Variants in MKLN1 observed in about 807,000 individuals in gnomAD.
The protein encoded by MKLN1 is muskelin.
Under a neutral mutation model 99.0 loss-of-function variants are expected in MKLN1, and 18 were observed. The ratio of observed to expected loss-of-function variants is 0.18; its 90% CI spans 0.13 to 0.27. The LOEUF (loss-of-function observed/expected upper bound fraction) is 0.27, where lower values mean the gene tolerates loss of function less well. Ranked by LOEUF, MKLN1 falls within the 10% of genes least tolerant of loss-of-function variation. The pLI is 1.00. For synonymous variants in MKLN1, 288 were observed against 293.2 expected (o/e 0.98, Z 0.18); for missense variants, 621 against 875.9 (o/e 0.71, Z 3.67).
At chr7:131,252,329 C>CTTTTTTTTTTT (rs60581249) in intron 3 of MKLN1, among the ~76,000 whole-genome samples, 62 of 118,522 alleles carry the variant, frequency 5.2e-4, no homozygotes, top group Non-Finnish European at 6.5e-4. Context: ...TTTTTCTTTT[C>CTTTTTTTTTTT]TTTTTTTTTT....
At position 131,446,028 on chromosome 7, in the gene MKLN1, A is replaced by G; in HGVS notation, c.1525+125A>G. ...TTATTTCTTTAATTGAGTAATTCCAAGTAAGAGAAAGAAAATTCTACCAGC... is the reference window on the plus strand; with the variant it reads ...TTATTTCTTTAATTGAGTAATTCCAGGTAAGAGAAAGAAAATTCTACCAGC... On this transcript the variant is annotated intron_variant, in intron 12 of 17. Coordinates refer to ENST00000352689, the MANE Select transcript of MKLN1 (RefSeq NM_013255.5). 3 of 548,282 alleles carry G rather than the reference A, an allele frequency of 5.5e-6. No homozygotes were observed. The South Asian group carries it at 1.6e-4, about 30-fold the overall frequency. The allele number at this position is 548,282 out of a possible 1,614,324, so 34.0% of individuals were successfully genotyped here. A position where few individuals can be genotyped will look rare whatever the true frequency, so the allele number is the denominator to read the frequency against.
At chr7:131,217,421 G>T (rs928940304) in intron 3 of MKLN1, among the ~76,000 whole-genome samples, 4 of 152,348 alleles carry the variant, frequency 2.6e-5, no homozygotes, top group Admixed American at 2.0e-4. Flanking sequence ...GGATAGCTTG[G>T]GCACAGTGGC....
At chr7:131,389,280 A>G (rs1794123745) in intron 4 of MKLN1, among the ~76,000 whole-genome samples, 1 of 152,148 alleles carries the variant, frequency 6.6e-6, no homozygotes, top group African/African-American at 2.4e-5. Flanking sequence ...AATCTTTTCC[A>G]AATGTTTTCT....
chr7:131,478,660 C>T lies in MKLN1; in HGVS notation c.2069C>T (p.Ser690Leu), dbSNP rs765396124. The T allele has an allele frequency of 6.8e-6, 10 of 1,471,814 alleles. No homozygotes were observed. The highest frequency in any genetic ancestry group is 2.7e-6 in the Non-Finnish European group (3 of 1,094,252). 91.2% of individuals were successfully genotyped at this position (1,471,814 alleles called of 1,614,324 possible). Residue 690 changes from serine (S) to leucine (L), a missense_variant, in exon 17 of 18, where the codon TCA becomes TTA. Ser to Leu is a moderately radical substitution (Grantham distance 145, BLOSUM62 -2). This residue lies in a region of MKLN1 where 126 missense variants were observed against 157.4 expected (regional missense o/e 0.80). Transcript: ENST00000352689. ...GCATCAGCTCTATTCAAATCTGGTT[C>T]AGATTTTACAGCTCTGGGTAAGTAT... The part of the protein sequence containing the change: ...LLASALFKSG[S>L]DFTALGFSDV...
chr7:131,420,763 G>T (rs1037179797), intron 8 of MKLN1, among the ~76,000 whole-genome samples: 2 of 152,144 alleles, frequency 1.3e-5, no homozygotes, highest in African/African-American at 2.4e-5. Flanking sequence ...ATGGACAAGG[G>T]GGGAAGGACA....
At chr7:131,397,964 CTAAT>C (rs1183901389) in intron 5 of MKLN1, among the ~76,000 whole-genome samples, 2 of 152,030 alleles carry the variant, frequency 1.3e-5, no homozygotes, top group Non-Finnish European at 2.9e-5. Context: ...TTATAGTTAA[CTAAT>C]TATAATTAAG....
At chr7:131,277,405 T>C (rs1266165063) in intron 3 of MKLN1, among the ~76,000 whole-genome samples, 1 of 151,988 alleles carries the variant, frequency 6.6e-6, no homozygotes, top group African/African-American at 2.4e-5. Flanking sequence ...TGCCTCAGCC[T>C]CCTGAGTAGC....
chr7:131,378,826 T>C (rs1457918808), intron 2 of MKLN1, among the ~76,000 whole-genome samples: 2 of 150,806 alleles, frequency 1.3e-5, no homozygotes, highest in African/African-American at 4.9e-5. Flanking sequence ...TGAGAGACTG[T>C]CTCAAAAAAG....
chr7:131,218,800 A>C (rs1389911901), intron 3 of MKLN1, among the ~76,000 whole-genome samples: 2 of 152,078 alleles, frequency 1.3e-5, no homozygotes, highest in East Asian at 3.8e-4. Context: ...CCGACCCCCG[A>C]CCTCTACCAA....
At chr7:131,400,920 G>T (rs892979755) in intron 6 of MKLN1, among the ~76,000 whole-genome samples, 2 of 152,018 alleles carry the variant, frequency 1.3e-5, no homozygotes, top group African/African-American at 4.8e-5. Flanking sequence ...AATACTATGG[G>T]CTTTCTAAAC....
intron 3 of MKLN1, among the ~76,000 whole-genome samples, chr7:131,209,780 A>G (rs1233837636): frequency 6.6e-6 from 1 of 152,150 alleles, no homozygotes; most frequent in Non-Finnish European, 1.5e-5. Context: ...CTTTGCAGCT[A>G]GGGGTGACTC....
rs561167381 is a variant in MKLN1 at position 131,416,750 on chromosome 7, AG to A, written c.847+2045del. On this transcript the variant is annotated intron_variant, in intron 8 of 17. Transcript: ENST00000352689. ...TAGTTGCAACACTTTGGGAAGCCAA[AG>A]GGGGAGGATCCCTTGATCCCACAAG... 1.2e-4 allele frequency among the ~76,000 whole-genome samples: 19 copies of A among 152,118 alleles called. 1 individual carries two copies. In the South Asian group the frequency reaches 3.9e-3, roughly 32 times the overall value.
At chr7:131,220,692 TG>T (rs948312178) in intron 3 of MKLN1, among the ~76,000 whole-genome samples, 67 of 152,206 alleles carry the variant, frequency 4.4e-4, no homozygotes, top group Non-Finnish European at 8.2e-4. Context: ...TCTTCCTCTG[TG>T]GGGGGTCTTC....
intron 17 of MKLN1, chr7:131,478,917 G>A: frequency 1.8e-6 from 1 of 546,490 alleles, no homozygotes. Flanking sequence ...CAAACAGATA[G>A]CAATAGAAAC....
chr7:131,478,457 C>T, intron 16 of MKLN1, 166 bp from the exon 17 acceptor site: 1 of 524,912 alleles, frequency 1.9e-6, no homozygotes, highest in Non-Finnish European at 3.0e-6. Context: ...ATTCTGTAAT[C>T]TGAATGTGTT....
intron 1 of MKLN1, among the ~76,000 whole-genome samples, chr7:131,141,888 T>G (rs1371722803): frequency 6.6e-6 from 1 of 152,210 alleles, no homozygotes; most frequent in African/African-American, 2.4e-5. Flanking sequence ...CTATTCACCT[T>G]TGTATTCCTA....
chr7:131,143,118 T>G (rs919367951), intron 2 of MKLN1, among the ~76,000 whole-genome samples: 1 of 152,250 alleles, frequency 6.6e-6, no homozygotes, highest in Non-Finnish European at 1.5e-5. Context: ...AAAGAAATGT[T>G]GTGAAGTCTT....
rs1472268342 is a variant in MKLN1, at chr7:131,489,476, G to A, written c.*1748G>A. On this transcript the variant is annotated 3_prime_UTR_variant, in exon 18 of 18. Coordinates refer to ENST00000352689, the MANE Select transcript of MKLN1 (RefSeq NM_013255.5). ...ACATACTTCAACAGTTTCATAAAAC[G>A]ATTCCCCTGAGTGACACAAGAACAT... is the stretch of plus-strand genomic sequence containing the variant. 6.6e-6 allele frequency: 1 copy of A among 152,110 alleles called. No homozygotes were observed. The highest frequency in any genetic ancestry group is 1.5e-5 in the Non-Finnish European group (1 of 68,002). The allele number at this position is 152,110 out of a possible 1,614,324, so 9.4% of individuals were successfully genotyped here.
chr7:131,168,674 G>A (rs910766924), intron 2 of MKLN1, among the ~76,000 whole-genome samples: 4 of 151,816 alleles, frequency 2.6e-5, no homozygotes, highest in East Asian at 3.8e-4. Context: ...TACCTACTAA[G>A]TGCCAGTTAA....
Sources: allele counts gnomAD v4.1 joint callset (sites outside exome capture counted in the v4.1 genomes callset), GRCh38; gene constraint gnomAD v4.1.1; regional missense constraint gnomAD v4.1.1; transcripts MANE v1.5; gene names NCBI Gene and HGNC (gene_info 2026-07-23, HGNC 2026-07-21).